Variants in RNF4 observed in about 807,000 individuals in gnomAD.
RNF4 encodes the protein ring finger protein 4.
Under a neutral mutation model 24.3 loss-of-function variants are expected in RNF4, and 7 were observed. The observed-to-expected ratio is 0.29, with a 90% CI of 0.16 to 0.54. RNF4 has a LOEUF of 0.54. RNF4 is among the 20% of genes least tolerant of loss of function. RNF4 has a pLI of 0.95. For missense variants in RNF4, 209 were observed against 248.5 expected (o/e 0.84, Z 1.07); for synonymous variants, 83 against 84.3 (o/e 0.98, Z 0.09).
chr4:2,502,757 T>C (rs1379068455), intron 4 of RNF4, among the ~76,000 whole-genome samples: 2 of 150,938 alleles, frequency 1.3e-5, no homozygotes, highest in Non-Finnish European at 2.9e-5. Flanking sequence ...GGCAGGAGAA[T>C]TACTTGAACC....
At chr4:2,492,667 G>A (rs1242586021) in intron 2 of RNF4, among the ~76,000 whole-genome samples, 1 of 152,138 alleles carries the variant, frequency 6.6e-6, no homozygotes, top group Non-Finnish European at 1.5e-5. Context: ...GGAAATGCTG[G>A]TCACACCCTC....
intron 3 of RNF4, among the ~76,000 whole-genome samples, chr4:2,498,872 C>G (rs1321677357): frequency 6.6e-6 from 1 of 151,944 alleles, no homozygotes; most frequent in Non-Finnish European, 1.5e-5. Context: ...GCCTGGGCAA[C>G]AGCAAGACCC....
intron 4 of RNF4, among the ~76,000 whole-genome samples, chr4:2,501,333 A>G (rs1735905447): frequency 6.6e-6 from 1 of 152,218 alleles, no homozygotes; most frequent in East Asian, 1.9e-4. Context: ...CTCAAGTTCC[A>G]AAAGTGCCTG....
intron 1 of RNF4, among the ~76,000 whole-genome samples, chr4:2,486,531 A>C (rs1160317315): frequency 6.6e-6 from 1 of 152,078 alleles, no homozygotes; most frequent in Non-Finnish European, 1.5e-5. Flanking sequence ...AGAGAGAAAA[A>C]CCAGATTTGG....
chr4:2,478,676 G>A (rs1048923961), intron 1 of RNF4, among the ~76,000 whole-genome samples: 5 of 152,272 alleles, frequency 3.3e-5, no homozygotes, highest in African/African-American at 9.6e-5. Flanking sequence ...AACAATGAGG[G>A]TTTGGGAACC....
chr4:2,475,769 A>AC (rs1378186403), intron 1 of RNF4, among the ~76,000 whole-genome samples: 4 of 152,156 alleles, frequency 2.6e-5, no homozygotes. Flanking sequence ...CTCTTACAGA[A>AC]CCACTCTATA....
At position 2,507,678 on chromosome 4, in the gene RNF4, G is replaced by A. The variant is rs187169061; in HGVS notation, c.205-4278G>A. On this transcript the variant is annotated intron_variant, in intron 4 of 7. Coordinates refer to ENST00000314289, the MANE Select transcript of RNF4 (RefSeq NM_002938.5). Reference sequence around the variant, plus strand: ...CTATACTTGCTTCTTTCATGCAGAGGTGTTCTGAGGCTCACCTGTGCTTTT... The same window carrying A: ...CTATACTTGCTTCTTTCATGCAGAGATGTTCTGAGGCTCACCTGTGCTTTT... 3.0e-3 allele frequency among the ~76,000 whole-genome samples: 454 copies of A among 152,234 alleles called. 6 individuals carry two copies. In the Middle Eastern group the frequency reaches 0.044, roughly 15 times the overall value.
At chr4:2,509,460 C>T (rs1451755325) in intron 4 of RNF4, among the ~76,000 whole-genome samples, 2 of 152,060 alleles carry the variant, frequency 1.3e-5, no homozygotes, top group African/African-American at 2.4e-5. Context: ...TCGAGTGATC[C>T]GCCCATCTCG....
intron 1 of RNF4, among the ~76,000 whole-genome samples, chr4:2,487,100 A>C (rs1423699337): frequency 6.6e-6 from 1 of 152,116 alleles, no homozygotes; most frequent in Non-Finnish European, 1.5e-5. Flanking sequence ...GTCTGTTTAA[A>C]GTTGAACACT....
intron 1 of RNF4, among the ~76,000 whole-genome samples, chr4:2,489,315 G>A (rs557065268): frequency 1.3e-5 from 2 of 152,312 alleles, no homozygotes; most frequent in South Asian, 2.1e-4. Context: ...AGCAGGCATG[G>A]TAATGGTGCA....
At chr4:2,491,387 C>T (rs1212094594) in intron 2 of RNF4, among the ~76,000 whole-genome samples, 1 of 152,108 alleles carries the variant, frequency 6.6e-6, no homozygotes, top group African/African-American at 2.4e-5. Flanking sequence ...CAGGCATGCA[C>T]CTCCCCGCCC....
chr4:2,505,501 A>AT (rs1200641777), intron 4 of RNF4: 3 of 150,212 alleles, frequency 2.0e-5, no homozygotes, highest in South Asian at 2.1e-4. Context: ...AATTTTTTGT[A>AT]TTTTTAGTAG....
At chr4:2,489,142 G>C (rs564930913) in intron 1 of RNF4, among the ~76,000 whole-genome samples, 1 of 152,290 alleles carries the variant, frequency 6.6e-6, no homozygotes, top group South Asian at 2.1e-4. Flanking sequence ...CAGTTGCCTG[G>C]CTCAAGAGAT....
chr4:2,471,970 A>G (rs1312021229), intron 1 of RNF4, among the ~76,000 whole-genome samples: 1 of 152,238 alleles, frequency 6.6e-6, no homozygotes, highest in Non-Finnish European at 1.5e-5. Flanking sequence ...TAGCTAAAAT[A>G]ATTGATGAAG....
At chr4:2,479,461 A>G (rs1324185377) in intron 1 of RNF4, among the ~76,000 whole-genome samples, 6 of 151,866 alleles carry the variant, frequency 4.0e-5, no homozygotes, top group Non-Finnish European at 8.8e-5. Context: ...ACCCGGTGGG[A>G]GGTAATTGAA....
rs369794841 is a variant in RNF4, at chr4:2,477,309, G to A, written c.-158+8051G>A. Among the ~76,000 whole-genome samples the A allele has an allele frequency of 4.6e-5, 7 of 152,078 alleles. 1 individual carries two copies. Among genetic ancestry groups the A allele is most frequent in the East Asian group, 3.9e-4 (2 of 5,154 alleles). On this transcript the variant is annotated intron_variant, in intron 1 of 7. Coordinates refer to ENST00000314289, the MANE Select transcript of RNF4 (RefSeq NM_002938.5). ...CTCAAGAGATCTGATGCTTTAGGTC[G>A]GGGGCGGTGGCTGATGCCTGTAATC...
chr4:2,484,715 C>T (rs549875406), intron 1 of RNF4, among the ~76,000 whole-genome samples: 2 of 152,084 alleles, frequency 1.3e-5, no homozygotes, highest in South Asian at 4.1e-4. Context: ...AATAATAAAT[C>T]TATAAGAATG....
In RNF4 at chr4:2,512,746, C is replaced by T. The variant is rs1426588193; in HGVS notation, c.374+149C>T. ...ATCTGGATACAGTTGGAACTGGGTC[C>T]AGAACTGAGTCCAGCTATTCCCACT... is the stretch of plus-strand genomic sequence containing the variant. On this transcript the variant is annotated intron_variant, in intron 6 of 7. Coordinates refer to ENST00000314289, the MANE Select transcript of RNF4 (RefSeq NM_002938.5). This position sits in a 1 kb window ranked among gnomAD's most constrained non-coding sequence, Gnocchi z 4.1. 6 of 920,654 alleles carry T rather than the reference C, an allele frequency of 6.5e-6. No homozygotes were observed. The highest frequency in any genetic ancestry group is 9.6e-6 in the Non-Finnish European group (6 of 623,476). 57.0% of individuals were successfully genotyped at this position (920,654 alleles called of 1,614,324 possible). A position where few individuals can be genotyped will look rare whatever the true frequency, so the allele number is the denominator to read the frequency against.
chr4:2,491,055 A>C (rs895453034), intron 2 of RNF4, among the ~76,000 whole-genome samples: 3 of 152,198 alleles, frequency 2.0e-5, no homozygotes, highest in Non-Finnish European at 4.4e-5. Flanking sequence ...GCATTTCGGC[A>C]GGATGACTGA....
Sources: gnomAD v4.1 joint callset for allele counts (sites outside exome capture counted in the v4.1 genomes callset) on GRCh38, gnomAD v4.1.1 for gene constraint, Gnocchi (gnomAD v3.1) non-coding constraint, MANE v1.5 for transcripts, NCBI Gene and HGNC (gene_info 2026-07-23, HGNC 2026-07-21) for gene names.